Variants in CRISP1 observed in about 807,000 individuals in gnomAD.
CRISP1 encodes the protein cysteine rich secretory protein 1.
A neutral mutation model predicts 33.1 loss-of-function variants in CRISP1; 44 were observed. The ratio of observed to expected loss-of-function variants is 1.33; its 90% confidence interval spans 1.05 to 1.71. The LOEUF (loss-of-function observed/expected upper bound fraction) is 1.71, where lower values mean the gene tolerates loss of function less well. CRISP1 is among the 40% of genes most tolerant of loss of function. The pLI, the probability that CRISP1 is intolerant of heterozygous loss-of-function variation, is 0.00. For synonymous variants in CRISP1, 103 were observed against 98.7 expected (o/e 1.04, Z -0.26); for missense variants, 390 against 301.2 (o/e 1.29, Z -2.18).
At chr6:49,843,778 C>T (rs1357519607) in intron 5 of CRISP1, among the ~76,000 whole-genome samples, 1 of 151,162 alleles carries the variant, frequency 6.6e-6, no homozygotes, top group Non-Finnish European at 1.5e-5. Context: ...TGTAGATTGC[C>T]TTGAGGGGAG....
At chr6:49,838,301 T>C in intron 7 of CRISP1, 136 bp downstream of exon 7, 1 of 663,914 alleles carries the variant, frequency 1.5e-6, no homozygotes, top group East Asian at 2.7e-5. Flanking sequence ...TGGGGAGGGG[T>C]AAGCAGAAAT....
At chr6:49,857,547 G>C in intron 1 of CRISP1, 145 bp from the exon 2 acceptor site, 1 of 652,654 alleles carries the variant, frequency 1.5e-6, no homozygotes, top group Non-Finnish European at 2.7e-6. Context: ...TAATGTGTTA[G>C]TCATTGGGAT....
intron 1 of CRISP1, among the ~76,000 whole-genome samples, chr6:49,873,663 G>T (rs111436200): frequency 2.3e-3 from 345 of 152,184 alleles, no homozygotes; most frequent in African/African-American, 7.6e-3. Flanking sequence ...TATCAAATGT[G>T]AAGGATTATT....
In CRISP1 at chr6:49,834,915, G is replaced by A. The variant is rs1189618473; in HGVS notation, c.*401C>T. 6.6e-6 allele frequency: 1 copy of A among 151,936 alleles called. No individual in the cohort carries two copies. The highest frequency in any genetic ancestry group is 1.4e-5 in the Non-Finnish European group (1 of 69,290). 9.4% of individuals were successfully genotyped at this position (151,936 alleles called of 1,614,324 possible). A position where few individuals can be genotyped will look rare whatever the true frequency, so the allele number is the denominator to read the frequency against. On this transcript the variant is annotated 3_prime_UTR_variant, in exon 8 of 8. Coordinates refer to ENST00000335847, the MANE Select transcript of CRISP1 (RefSeq NM_001131.3). The stretch of plus-strand genomic sequence containing the variant: ...TTAAAGTAGAAGTAAAATTTTAAAA[G>A]TGAAGAATTATTACTGGATGTTAGT...
chr6:49,872,754 G>T (rs1409484726), intron 1 of CRISP1, among the ~76,000 whole-genome samples: 5 of 152,098 alleles, frequency 3.3e-5, no homozygotes, highest in Admixed American at 3.3e-4. Context: ...TGTTCCATTG[G>T]TCTATATCTC....
At chr6:49,856,518 G>A (rs182249115) in intron 2 of CRISP1, among the ~76,000 whole-genome samples, 1 of 152,238 alleles carries the variant, frequency 6.6e-6, no homozygotes, top group African/African-American at 2.4e-5. Context: ...TGGGGAAGAA[G>A]AGTGAGTAAT....
intron 2 of CRISP1, among the ~76,000 whole-genome samples, chr6:49,853,473 G>A (rs1771410214): frequency 6.6e-6 from 1 of 152,006 alleles, no homozygotes; most frequent in African/African-American, 2.4e-5. Flanking sequence ...TGATGTCTCA[G>A]GCCCTTAAAA....
intron 1 of CRISP1, among the ~76,000 whole-genome samples, chr6:49,861,972 C>G (rs1043228704): frequency 2.6e-5 from 4 of 152,122 alleles, no homozygotes; most frequent in African/African-American, 9.7e-5. Flanking sequence ...AGCTGAATGT[C>G]TTTTCTCTAA....
chr6:49,861,989 T>A (rs12197213), intron 1 of CRISP1, among the ~76,000 whole-genome samples: 20,499 of 152,172 alleles, frequency 0.13, 1,543 homozygotes, highest in African/African-American at 0.16. Context: ...CTAAGGCCTA[T>A]AACAAGACAA....
rs781500289 is a variant in CRISP1, at chr6:49,846,488, A to G, written c.435+32T>C. The G allele has an allele frequency of 1.9e-6, 3 of 1,603,188 alleles. No individual in the cohort carries two copies. The South Asian group carries it at 3.4e-5, about 18-fold the overall frequency. ...TTCCACACACATGCTTATCTCTTAAACAATGTGTGTGTTTGCCAGCACACA... is the reference window on the plus strand; with the variant it reads ...TTCCACACACATGCTTATCTCTTAAGCAATGTGTGTGTTTGCCAGCACACA... On this transcript the variant is annotated intron_variant, in intron 5 of 7. Coordinates refer to ENST00000335847, the MANE Select transcript of CRISP1 (RefSeq NM_001131.3).
rs997555064 is a variant in CRISP1, at chr6:49,852,007, C to G, written c.189G>C (p.Leu63=). The G allele has an allele frequency of 6.2e-7, 1 of 1,607,166 alleles. No individual in the cohort carries two copies. The highest frequency in any genetic ancestry group is 1.3e-5 in the African/African-American group (1 of 74,474). The change falls in exon 3 of 8, where the codon CTG becomes CTC. Residue 63 remains leucine, a synonymous_variant. Transcript: ENST00000335847. ...TGCTATTTTTTGATCTTACCATCTT[C>G]AGCATGTTGCTGGCTGGTGGAACTA... ...RRVVPPASNM[L]KMSWSEEAAQ...
At chr6:49,838,616 AT>A in intron 6 of CRISP1, 91 bp from the exon 7 acceptor site, 4 of 863,314 alleles carry the variant, frequency 4.6e-6, no homozygotes, top group Non-Finnish European at 7.3e-6. Context: ...TTAAAAACAA[AT>A]TGTGTAAACA....
At chr6:49,836,940 T>C (rs1156977050) in intron 7 of CRISP1, among the ~76,000 whole-genome samples, 2 of 152,284 alleles carry the variant, frequency 1.3e-5, no homozygotes, top group Non-Finnish European at 2.9e-5. Context: ...TCCTACTTTA[T>C]TCTCTTATGT....
chr6:49,843,333 G>T (rs1393688126), intron 5 of CRISP1, among the ~76,000 whole-genome samples: 2 of 152,078 alleles, frequency 1.3e-5, no homozygotes, highest in Non-Finnish European at 2.9e-5. Flanking sequence ...TTTTATTTAG[G>T]ATTTCTGCAT....
upstream of CRISP1, among the ~76,000 whole-genome samples, chr6:49,871,103 CAAAACA>C (rs1269833976): frequency 8.1e-6 from 1 of 123,624 alleles, no homozygotes; most frequent in Non-Finnish European, 1.7e-5. Context: ...AACTCCATCT[CAAAACA>C]AAAACAAAAA....
At chr6:49,838,559 T>C in intron 6 of CRISP1, 34 bp from the exon 7 acceptor site, 1 of 1,537,692 alleles carries the variant, frequency 6.5e-7, no homozygotes, top group Non-Finnish European at 8.9e-7. Flanking sequence ...ATAAAACCCA[T>C]CTTTGAAAAA....
chr6:49,872,355 G>T (rs1298314841), intron 1 of CRISP1, among the ~76,000 whole-genome samples: 1 of 151,612 alleles, frequency 6.6e-6, no homozygotes, highest in Admixed American at 6.6e-5. Context: ...TAGGTTGCCT[G>T]TTCATTCTGA....
intron 2 of CRISP1, among the ~76,000 whole-genome samples, chr6:49,852,598 C>G (rs1037611619): frequency 6.6e-6 from 1 of 152,086 alleles, no homozygotes; most frequent in African/African-American, 2.4e-5. Flanking sequence ...CTAAGAGATT[C>G]ATTATTGAGG....
At chr6:49,862,436 A>G (rs546011947) in intron 1 of CRISP1, among the ~76,000 whole-genome samples, 2 of 152,186 alleles carry the variant, frequency 1.3e-5, no homozygotes, top group South Asian at 2.1e-4. Context: ...CACAATCTGC[A>G]TATTTTACAT....
Sources: gnomAD v4.1 joint callset for allele counts (sites outside exome capture counted in the v4.1 genomes callset) on GRCh38, gnomAD v4.1.1 for gene constraint, MANE v1.5 for transcripts, NCBI Gene and HGNC (gene_info 2026-07-23, HGNC 2026-07-21) for gene names.